Variants in ZNG1A observed in about 807,000 individuals in gnomAD.
ZNG1A encodes the protein zinc-regulated GTPase metalloprotein activator 1A.
chr9:128,736 G>A, the ZNG1A span, among the ~76,000 whole-genome samples: 5 of 150,240 alleles, frequency 3.3e-5, no homozygotes, highest in Admixed American at 3.3e-4. Context: ...GATTTTTTGG[G>A]GGGTGTTAAA....
the ZNG1A span, among the ~76,000 whole-genome samples, chr9:131,836 C>T: frequency 4.0e-5 from 6 of 149,390 alleles, no homozygotes; most frequent in African/African-American, 1.5e-4. Context: ...TTACATAACA[C>T]TCCTAGACAG....
chr9:138,163 C>T, the ZNG1A span, among the ~76,000 whole-genome samples: 1 of 151,988 alleles, frequency 6.6e-6, no homozygotes, highest in Non-Finnish European at 1.5e-5. Flanking sequence ...CCAAAAATAC[C>T]TTTATAATTT....
At chr9:133,724 C>T in the ZNG1A span, among the ~76,000 whole-genome samples, 6 of 140,782 alleles carry the variant, frequency 4.3e-5, no homozygotes, top group Admixed American at 2.2e-4. Context: ...GCTCCACATG[C>T]GATTCTGATT....
At chr9:165,190 T>G in the ZNG1A span, among the ~76,000 whole-genome samples, 14 of 152,014 alleles carry the variant, frequency 9.2e-5, no homozygotes, top group African/African-American at 3.4e-4. Context: ...AAACATGATT[T>G]TAATTAATGA....
the ZNG1A span, among the ~76,000 whole-genome samples, chr9:139,639 G>A: frequency 1.3e-5 from 2 of 152,084 alleles, no homozygotes; most frequent in Non-Finnish European, 2.9e-5. Flanking sequence ...CATTATTAAA[G>A]TGAACAGAGG....
chr9:139,611 G>A, the ZNG1A span, among the ~76,000 whole-genome samples: 1 of 152,108 alleles, frequency 6.6e-6, no homozygotes, highest in East Asian at 1.9e-4. Flanking sequence ...CCCCACAGGA[G>A]AAGGCAGAAA....
At chr9:142,422 C>G in the ZNG1A span, among the ~76,000 whole-genome samples, 1 of 112,878 alleles carries the variant, frequency 8.9e-6, no homozygotes, top group Non-Finnish European at 1.7e-5. Context: ...GGAAACTGAA[C>G]AACCTGCTCC....
the ZNG1A span, among the ~76,000 whole-genome samples, chr9:171,371 G>A: frequency 6.6e-6 from 1 of 152,074 alleles, no homozygotes; most frequent in African/African-American, 2.4e-5. Flanking sequence ...CAGATTCACA[G>A]AATAAGCACT....
chr9:137,491 A>ATTT, the ZNG1A span, among the ~76,000 whole-genome samples: 3 of 152,284 alleles, frequency 2.0e-5, no homozygotes, highest in Middle Eastern at 3.4e-3. Context: ...CAAATTAAAA[A>ATTT]TACAGTTCTA....
the ZNG1A span, among the ~76,000 whole-genome samples, chr9:178,411 G>C: frequency 2.8e-4 from 42 of 148,642 alleles, no homozygotes; most frequent in Admixed American, 8.1e-4. Flanking sequence ...TTTTACAGAC[G>C]GGACATCCTT....
At chr9:130,681 AC>A in the ZNG1A span, among the ~76,000 whole-genome samples, 1 of 147,478 alleles carries the variant, frequency 6.8e-6, no homozygotes, top group Non-Finnish European at 1.5e-5. Flanking sequence ...CAATCCACCC[AC>A]CTTGGCCTGT....
At chr9:172,278 T>G in the ZNG1A span, 1 of 1,441,480 alleles carries the variant, frequency 6.9e-7, no homozygotes, top group Non-Finnish European at 9.5e-7. Flanking sequence ...AAAGTACCCT[T>G]GGGAATGTGA....
chr9:128,856 G>A, the ZNG1A span, among the ~76,000 whole-genome samples: 5,518 of 148,772 alleles, frequency 0.037, 310 homozygotes, highest in African/African-American at 0.13. Flanking sequence ...AGATTCTTTC[G>A]TCCTACGGGG....
chr9:144,599 G>A, the ZNG1A span, among the ~76,000 whole-genome samples: 2,596 of 151,938 alleles, frequency 0.017, 42 homozygotes, highest in African/African-American at 0.059. Context: ...AACCCTAGAA[G>A]AAAACCTAGG....
At chr9:139,703 G>T in the ZNG1A span, among the ~76,000 whole-genome samples, 35,804 of 151,066 alleles carry the variant, frequency 0.24, 4,989 homozygotes, top group East Asian at 0.43. Flanking sequence ...AGCTCCCAGC[G>T]TGAGAGACGC....
At chr9:169,985 G>A in the ZNG1A span, among the ~76,000 whole-genome samples, 1 of 144,574 alleles carries the variant, frequency 6.9e-6, no homozygotes, top group Non-Finnish European at 1.5e-5. Context: ...CCAAGTAGCT[G>A]GGACTACAGG....
the ZNG1A span, chr9:146,570 T>A: frequency 5.7e-6 from 1 of 176,208 alleles, no homozygotes; most frequent in African/African-American, 2.5e-5. Context: ...ATATAACATG[T>A]AATATAAAAA....
chr9:159,778 T>A, the ZNG1A span, among the ~76,000 whole-genome samples: 9 of 151,924 alleles, frequency 5.9e-5, no homozygotes, highest in African/African-American at 1.9e-4. Context: ...ATAAATCTAG[T>A]GTCAAAGATG....
chr9:121,774 T>C, the ZNG1A span: 1 of 1,183,412 alleles, frequency 8.5e-7, no homozygotes, highest in East Asian at 2.4e-5. Context: ...TTTCTAAAAC[T>C]GAAGAAGAAC....
Sources: allele counts gnomAD v4.1 joint callset (sites outside exome capture counted in the v4.1 genomes callset), GRCh38; gene constraint gnomAD v4.1.1; transcripts MANE v1.5; gene names NCBI Gene and HGNC (gene_info 2026-07-23, HGNC 2026-07-21).